SNAP23: variants seen among roughly 807,000 people sequenced by gnomAD.
The protein encoded by SNAP23 is synaptosomal-associated protein 23.
Under a neutral mutation model 29.0 loss-of-function variants are expected in SNAP23, and 11 were observed. The ratio of observed to expected loss-of-function variants is 0.38; its 90% CI spans 0.24 to 0.63. The LOEUF (loss-of-function observed/expected upper bound fraction) is 0.63. SNAP23 is among the 20% of genes least tolerant of loss of function. SNAP23 has a pLI of 0.58. For synonymous variants in SNAP23, 60 were observed against 82.9 expected (o/e 0.72, Z 1.50); for missense variants, 220 against 253.9 (o/e 0.87, Z 0.91).
chr15:42,504,444 T>C (rs551085986), intron 1 of SNAP23, among the ~76,000 whole-genome samples: 1 of 152,334 alleles, frequency 6.6e-6, no homozygotes, highest in African/African-American at 2.4e-5. Context: ...AATATTCAAA[T>C]TTAGCCTTGC....
At position 42,529,838 on chromosome 15, in the gene SNAP23, C is replaced by T. The variant is rs750205950; in HGVS notation, c.570+19C>T. Reference sequence around the variant, plus strand: ...AGACAAGGTAAAAGCTTTTTATTGCCACAAGAAAATGAGACACCCAGTTCA... The same window carrying T: ...AGACAAGGTAAAAGCTTTTTATTGCTACAAGAAAATGAGACACCCAGTTCA... On this transcript the variant is annotated intron_variant, in intron 7 of 7. Transcript: ENST00000249647. 2.5e-6 allele frequency: 4 copies of T among 1,608,958 alleles called. No individual in the cohort carries two copies. Among genetic ancestry groups the T allele is most frequent in the Non-Finnish European group, 3.4e-6 (4 of 1,178,520 alleles).
chr15:42,525,451 CTTTT>C (rs1158969519), intron 5 of SNAP23, among the ~76,000 whole-genome samples: 309 of 46,954 alleles, frequency 6.6e-3, no homozygotes, highest in African/African-American at 0.026. Context: ...ATCCAGTCTT[CTTTT>C]TTTTTTTTTT....
intron 5 of SNAP23, among the ~76,000 whole-genome samples, chr15:42,519,433 A>G (rs60060355): frequency 0.047 from 7,089 of 150,828 alleles, 557 homozygotes; most frequent in African/African-American, 0.16. Flanking sequence ...GTGCAGTGGT[A>G]CAATCTCGGC....
At chr15:42,528,506 TAAAAC>T (rs945240727) in intron 6 of SNAP23, 86 bp downstream of exon 6, 2 of 1,214,530 alleles carry the variant, frequency 1.6e-6, no homozygotes, top group African/African-American at 3.1e-5. Flanking sequence ...TGACCCCTAA[TAAAAC>T]AAATAAAAAT....
At chr15:42,499,319 G>A (rs1482862761) in intron 1 of SNAP23, among the ~76,000 whole-genome samples, 1 of 152,126 alleles carries the variant, frequency 6.6e-6, no homozygotes, top group Non-Finnish European at 1.5e-5. Context: ...TGATCCGCTC[G>A]CCTCAGCCTC....
chr15:42,530,577 G>A (rs1042938106), intron 7 of SNAP23, among the ~76,000 whole-genome samples: 11 of 151,882 alleles, frequency 7.2e-5, no homozygotes, highest in Non-Finnish European at 5.9e-5. Flanking sequence ...GCAAGACCTC[G>A]ACTCTACTAA....
chr15:42,519,164 C>G (rs2057422947), intron 5 of SNAP23, among the ~76,000 whole-genome samples: 1 of 151,452 alleles, frequency 6.6e-6, no homozygotes. Flanking sequence ...AACCGATTCT[C>G]CTGCCTCAGC....
At chr15:42,523,307 A>T (rs1007462999) in intron 5 of SNAP23, among the ~76,000 whole-genome samples, 1 of 152,238 alleles carries the variant, frequency 6.6e-6, no homozygotes, top group African/African-American at 2.4e-5. Context: ...TAGGCATTTT[A>T]TCATGAAGAC....
chr15:42,529,675 C>A lies in SNAP23; in HGVS notation c.426C>A (p.Arg142=). 1.2e-6 allele frequency: 2 copies of A among 1,613,006 alleles called. No homozygotes were observed. The highest frequency in any genetic ancestry group is 1.7e-6 in the Non-Finnish European group (2 of 1,179,616). ...TGAASGGYIK[R]ITNDAREDEM... ...GGAATTAACTGTCTTCTTGTGATAG[C>A]ATAACTAATGATGCCAGAGAAGATG... The change falls in exon 7 of 8, where the codon CGC becomes CGA. Residue 142 remains arginine, a splice_region_variant and synonymous_variant. Transcript: ENST00000249647.
intron 5 of SNAP23, among the ~76,000 whole-genome samples, chr15:42,520,045 CTTTTTTT>C (rs201577060): frequency 2.2e-5 from 2 of 92,980 alleles, no homozygotes; most frequent in African/African-American, 9.7e-5. Flanking sequence ...AACCCCCTTG[CTTTTTTT>C]TTTTTTTTTT....
At chr15:42,525,164 G>A (rs189965156) in intron 5 of SNAP23, among the ~76,000 whole-genome samples, 1,533 of 149,146 alleles carry the variant, frequency 0.01, 35 homozygotes, top group African/African-American at 0.036. Context: ...TCAGGAGATC[G>A]AGACCATCCC....
upstream of SNAP23, among the ~76,000 whole-genome samples, chr15:42,494,762 G>T (rs62019280): frequency 0.11 from 17,458 of 152,014 alleles, 1,132 homozygotes; most frequent in Non-Finnish European, 0.15. Context: ...TGATCTGCCC[G>T]CTTCAGCCTC....
At chr15:42,520,950 G>A (rs529850478) in intron 5 of SNAP23, among the ~76,000 whole-genome samples, 4 of 152,318 alleles carry the variant, frequency 2.6e-5, no homozygotes, top group African/African-American at 9.6e-5. Context: ...CCGATCTTAA[G>A]TCATACCAAG....
At chr15:42,496,699 A>G (rs556796138) in intron 1 of SNAP23, among the ~76,000 whole-genome samples, 63 of 152,298 alleles carry the variant, frequency 4.1e-4, no homozygotes, top group African/African-American at 1.5e-3. Context: ...CCTGGGAGAC[A>G]GAGTCAGGCT....
At chr15:42,504,058 A>G (rs1026590684) in intron 1 of SNAP23, among the ~76,000 whole-genome samples, 12 of 151,906 alleles carry the variant, frequency 7.9e-5, no homozygotes, top group Non-Finnish European at 1.3e-4. Context: ...TGCCAGGCAA[A>G]GTGGCTCATA....
chr15:42,513,967 C>T (rs1052119108), intron 4 of SNAP23, among the ~76,000 whole-genome samples: 1 of 150,596 alleles, frequency 6.6e-6, no homozygotes, highest in East Asian at 2.0e-4. Context: ...GTGCCCACCA[C>T]CACACCCGGC....
At chr15:42,520,599 A>G (rs1368953218) in intron 5 of SNAP23, among the ~76,000 whole-genome samples, 2 of 151,776 alleles carry the variant, frequency 1.3e-5, no homozygotes, top group Non-Finnish European at 2.9e-5. Flanking sequence ...GGTTCACGCC[A>G]TTCTCCTGCC....
At chr15:42,499,820 A>G (rs921535709) in intron 1 of SNAP23, among the ~76,000 whole-genome samples, 1 of 152,184 alleles carries the variant, frequency 6.6e-6, no homozygotes, top group African/African-American at 2.4e-5. Flanking sequence ...TCATAACACA[A>G]TTCTAGCAAA....
chr15:42,506,292 T>C (rs1439308100), intron 1 of SNAP23, among the ~76,000 whole-genome samples: 2 of 151,932 alleles, frequency 1.3e-5, no homozygotes, highest in Non-Finnish European at 2.9e-5. Context: ...CAGGCTGGAG[T>C]GTAGTGGGGA....
Sources: allele counts gnomAD v4.1 joint callset (sites outside exome capture counted in the v4.1 genomes callset), GRCh38; gene constraint gnomAD v4.1.1; transcripts MANE v1.5; gene names NCBI Gene and HGNC (gene_info 2026-07-23, HGNC 2026-07-21).